Variants in CSTPP1 observed in about 807,000 individuals in gnomAD.
The protein encoded by CSTPP1 is UPF0705 protein C11orf49.
the CSTPP1 span, among the ~76,000 whole-genome samples, chr11:47,149,544 C>T: frequency 2.0e-5 from 3 of 152,186 alleles, no homozygotes; most frequent in Admixed American, 2.0e-4. Context: ...GAGGCAAAGA[C>T]AGACCAGGAG....
the CSTPP1 span, among the ~76,000 whole-genome samples, chr11:47,085,791 A>G: frequency 6.6e-6 from 1 of 151,724 alleles, no homozygotes; most frequent in Non-Finnish European, 1.5e-5. Flanking sequence ...TAGGGAGGCT[A>G]AGGCTGGAAA....
the CSTPP1 span, among the ~76,000 whole-genome samples, chr11:47,102,629 G>A: frequency 6.6e-6 from 1 of 152,132 alleles, no homozygotes; most frequent in Non-Finnish European, 1.5e-5. Context: ...ATGAAAAAAA[G>A]ACTGAGAAAC....
the CSTPP1 span, among the ~76,000 whole-genome samples, chr11:47,060,414 TTTTTG>T: frequency 6.6e-6 from 1 of 151,812 alleles, no homozygotes; most frequent in Non-Finnish European, 1.5e-5. Context: ...ATTTTTGTAT[TTTTTG>T]TAGAGATGGG....
the CSTPP1 span, among the ~76,000 whole-genome samples, chr11:46,966,984 C>T: frequency 6.6e-6 from 1 of 152,056 alleles, no homozygotes; most frequent in Non-Finnish European, 1.5e-5. Context: ...TTTTTGCCTT[C>T]TCGGGGTGAC....
the CSTPP1 span, among the ~76,000 whole-genome samples, chr11:47,068,600 T>C: frequency 6.6e-6 from 1 of 152,156 alleles, no homozygotes; most frequent in South Asian, 2.1e-4. Context: ...TATTTTTGGC[T>C]GCCTTCTCTT....
chr11:47,091,022 G>C, the CSTPP1 span, among the ~76,000 whole-genome samples: 1 of 130,928 alleles, frequency 7.6e-6, no homozygotes, highest in Admixed American at 8.6e-5. Context: ...CCGGGCAACA[G>C]AGCGAGACAG....
At chr11:47,073,644 C>A in the CSTPP1 span, among the ~76,000 whole-genome samples, 1 of 151,878 alleles carries the variant, frequency 6.6e-6, no homozygotes, top group South Asian at 2.1e-4. Flanking sequence ...GCAGCATGAG[C>A]GCTAAAGTGA....
the CSTPP1 span, among the ~76,000 whole-genome samples, chr11:47,045,014 A>G: frequency 6.6e-6 from 1 of 152,228 alleles, no homozygotes; most frequent in Non-Finnish European, 1.5e-5. Flanking sequence ...TGGTAGATAC[A>G]TTGTAGAATC....
chr11:47,107,615 T>G, the CSTPP1 span, among the ~76,000 whole-genome samples: 1 of 152,332 alleles, frequency 6.6e-6, no homozygotes, highest in Non-Finnish European at 1.5e-5. Context: ...TCATGGTTTT[T>G]TTTCAAGGAG....
the CSTPP1 span, among the ~76,000 whole-genome samples, chr11:47,113,509 C>A: frequency 1.3e-5 from 2 of 152,172 alleles, no homozygotes; most frequent in Admixed American, 6.5e-5. Context: ...TCTCCAGCAT[C>A]TATTGTTTCC....
the CSTPP1 span, among the ~76,000 whole-genome samples, chr11:47,031,380 TTAATA>T: frequency 6.6e-6 from 1 of 152,210 alleles, no homozygotes; most frequent in African/African-American, 2.4e-5. Flanking sequence ...CTGTGTTTTC[TTAATA>T]TATTACTGGA....
the CSTPP1 span, chr11:47,052,642 T>C: frequency 7.5e-7 from 1 of 1,327,938 alleles, no homozygotes; most frequent in African/African-American, 1.5e-5. Context: ...ACTTTTTCTT[T>C]TGTTCCTATA....
chr11:47,109,435 TG>T, the CSTPP1 span: 1 of 152,274 alleles, frequency 6.6e-6, no homozygotes, highest in Admixed American at 6.5e-5. Flanking sequence ...CTCTCTTCGA[TG>T]TCAAATTGGC....
At chr11:47,112,469 G>A in the CSTPP1 span, among the ~76,000 whole-genome samples, 1 of 152,120 alleles carries the variant, frequency 6.6e-6, no homozygotes, top group South Asian at 2.1e-4. Flanking sequence ...TTACAGGCAT[G>A]CACCACCATG....
chr11:46,983,447 C>T, the CSTPP1 span, among the ~76,000 whole-genome samples: 258 of 152,220 alleles, frequency 1.7e-3, no homozygotes, highest in African/African-American at 5.8e-3. Context: ...GACACTAGAG[C>T]GTAGGTACAG....
the CSTPP1 span, among the ~76,000 whole-genome samples, chr11:47,011,107 G>A: frequency 5.3e-5 from 8 of 152,042 alleles, no homozygotes; most frequent in Non-Finnish European, 7.4e-5. Context: ...TGAGAGAAGT[G>A]GAATTGAAGT....
At chr11:47,090,856 G>A in the CSTPP1 span, among the ~76,000 whole-genome samples, 1 of 151,324 alleles carries the variant, frequency 6.6e-6, no homozygotes, top group Non-Finnish European at 1.5e-5. Context: ...TGGCTAACAC[G>A]GTGAAACCCC....
At chr11:47,054,928 A>ATTT in the CSTPP1 span, among the ~76,000 whole-genome samples, 22 of 68,784 alleles carry the variant, frequency 3.2e-4, no homozygotes, top group East Asian at 3.4e-3. Context: ...ATAAATTTCA[A>ATTT]TTTTTTTTTT....
chr11:46,955,360 TG>T, the CSTPP1 span, among the ~76,000 whole-genome samples: 6 of 151,244 alleles, frequency 4.0e-5, no homozygotes, highest in East Asian at 5.8e-4. Context: ...TTTTTTTTGT[TG>T]TTTTTTTGTT....
Sources: allele counts gnomAD v4.1 joint callset (sites outside exome capture counted in the v4.1 genomes callset), GRCh38; gene constraint gnomAD v4.1.1; transcripts MANE v1.5; gene names NCBI Gene and HGNC (gene_info 2026-07-23, HGNC 2026-07-21).